The following ROBO2 variants were observed in gnomAD, a reference collection of about 807,000 sequenced individuals.
ROBO2 encodes roundabout guidance receptor 2.
A neutral mutation model predicts 160.8 loss-of-function variants in ROBO2; 53 were observed. The observed-to-expected ratio is 0.33, with a 90% confidence interval of 0.26 to 0.41. The LOEUF (loss-of-function observed/expected upper bound fraction) is 0.41, where lower values mean the gene tolerates loss of function less well. Ranked by LOEUF, ROBO2 falls within the 10% of genes least tolerant of loss-of-function variation. The probability of loss-of-function intolerance (pLI) is 1.00; values close to 1 mark genes in which losing one functional copy is unlikely to be tolerated. For missense variants in ROBO2, 1,577 were observed against 1,722.4 expected (o/e 0.92, Z 1.49); for synonymous variants, 664 against 611.7 (o/e 1.09, Z -1.26).
At chr3:77,578,709 G>T (rs2093832909) in intron 15 of ROBO2, among the ~76,000 whole-genome samples, 1 of 151,998 alleles carries the variant, frequency 6.6e-6, no homozygotes, top group South Asian at 2.1e-4. Flanking sequence ...TAATTATATA[G>T]ATTCTAAGAT....
chr3:77,064,708 A>T (rs1183207593), intron 1 of ROBO2, among the ~76,000 whole-genome samples: 1 of 152,190 alleles, frequency 6.6e-6, no homozygotes, highest in Non-Finnish European at 1.5e-5. Flanking sequence ...AGTTTTGAAG[A>T]GCTAAAAAAT....
At chr3:76,739,613 A>T (rs530413228) in intron 2 of ROBO2, among the ~76,000 whole-genome samples, 1 of 149,362 alleles carries the variant, frequency 6.7e-6, no homozygotes, top group African/African-American at 2.4e-5. Context: ...GTACCCTAAA[A>T]CTTAAAAGTA....
intron 5 of ROBO2, among the ~76,000 whole-genome samples, chr3:77,504,939 G>A (rs1302283678): frequency 6.6e-6 from 1 of 152,184 alleles, no homozygotes; most frequent in African/African-American, 2.4e-5. Context: ...AAGTGGAATA[G>A]CAATGGCTAT....
At chr3:76,541,423 T>G (rs1332710918) in intron 2 of ROBO2, among the ~76,000 whole-genome samples, 1 of 152,224 alleles carries the variant, frequency 6.6e-6, no homozygotes, top group East Asian at 1.9e-4. Flanking sequence ...AGTATCAAAT[T>G]TCTCACATAC....
chr3:75,998,049 T>G (rs897980093), intron 2 of ROBO2, among the ~76,000 whole-genome samples: 2 of 152,318 alleles, frequency 1.3e-5, no homozygotes, highest in African/African-American at 4.8e-5. Flanking sequence ...GGGAGAAAGA[T>G]CTCTAAACTA....
intron 12 of ROBO2, among the ~76,000 whole-genome samples, chr3:77,565,637 T>A (rs554071838): frequency 2.0e-4 from 31 of 152,214 alleles, no homozygotes; most frequent in African/African-American, 7.2e-4. Flanking sequence ...GGCCCAGTGT[T>A]TGTTTTAACA....
chr3:76,997,236 TA>T, intron 2 of ROBO2, among the ~76,000 whole-genome samples: 1 of 152,338 alleles, frequency 6.6e-6, no homozygotes, highest in South Asian at 2.1e-4. Context: ...CAATACTTTT[TA>T]TATATGTGAC....
At chr3:77,412,576 A>G (rs2153523226) in intron 2 of ROBO2, among the ~76,000 whole-genome samples, 1 of 152,288 alleles carries the variant, frequency 6.6e-6, no homozygotes, top group Middle Eastern at 3.4e-3. Context: ...GGACAGTGGG[A>G]TCTCAATCAG....
At chr3:76,635,638 A>G (rs1267812043) in intron 2 of ROBO2, among the ~76,000 whole-genome samples, 1 of 152,178 alleles carries the variant, frequency 6.6e-6, no homozygotes, top group African/African-American at 2.4e-5. Flanking sequence ...CATTTGTCTC[A>G]CATACTCTTG....
chr3:76,729,896 C>A (rs1431903443), intron 2 of ROBO2, among the ~76,000 whole-genome samples: 2 of 152,122 alleles, frequency 1.3e-5, no homozygotes, highest in Non-Finnish European at 2.9e-5. Context: ...CCTCAGCTTC[C>A]CAAAGTGTAG....
chr3:76,883,694 A>G (rs2073594140), intron 2 of ROBO2, among the ~76,000 whole-genome samples: 1 of 152,212 alleles, frequency 6.6e-6, no homozygotes, highest in South Asian at 2.1e-4. Context: ...TGTCCAATAC[A>G]CGATTGCCTA....
At position 77,273,219 on chromosome 3, in the gene ROBO2, T is replaced by C. The variant is rs185461962; in HGVS notation, c.388+174879T>C. 1.2e-4 allele frequency among the ~76,000 whole-genome samples: 18 copies of C among 152,280 alleles called. No homozygotes were observed. The East Asian group carries it at 3.5e-3, about 29-fold the overall frequency. On this transcript the variant is annotated intron_variant, in intron 2 of 25. Transcript: ENST00000461745. ...AAGAAAATGTGGCACATATACACTA[T>C]GGGATATGTGCAGCTGTAGAAAAAG... is the stretch of plus-strand genomic sequence containing the variant.
chr3:76,366,290 T>G lies in ROBO2; in HGVS notation c.109+428688T>G, dbSNP rs138528066. ...TACCCTTTACCCTGCTCTAATATCC[T>G]TCTTAGCACTTGCAACCAGGCACAC... On this transcript the variant is annotated intron_variant, in intron 2 of 26. Transcript: ENST00000487694. 8.5e-5 allele frequency among the ~76,000 whole-genome samples: 13 copies of G among 152,146 alleles called. No homozygotes were observed. The South Asian group carries it at 1.5e-3, about 17-fold the overall frequency.
At chr3:76,975,152 C>T (rs2059753164) in intron 2 of ROBO2, among the ~76,000 whole-genome samples, 1 of 152,142 alleles carries the variant, frequency 6.6e-6, no homozygotes, top group African/African-American at 2.4e-5. Flanking sequence ...TACTTGTGTT[C>T]TTGGATCTTT....
At chr3:76,180,572 C>A (rs761079174) in intron 2 of ROBO2, among the ~76,000 whole-genome samples, 15 of 152,068 alleles carry the variant, frequency 9.9e-5, no homozygotes, top group Non-Finnish European at 2.2e-4. Flanking sequence ...CTGACAAATC[C>A]AACGGCAAGT....
intron 2 of ROBO2, among the ~76,000 whole-genome samples, chr3:76,802,124 A>G (rs2064247041): frequency 6.6e-6 from 1 of 152,102 alleles, no homozygotes; most frequent in African/African-American, 2.4e-5. Flanking sequence ...ATTTTTGCAT[A>G]TTGTGGGAAT....
intron 2 of ROBO2, among the ~76,000 whole-genome samples, chr3:76,708,624 C>G (rs1039178438): frequency 2.8e-4 from 42 of 152,188 alleles, no homozygotes; most frequent in South Asian, 2.1e-4. Context: ...AAAAGCCTAT[C>G]ATAGGTCATC....
At chr3:76,400,375 C>G (rs1370034552) in intron 2 of ROBO2, among the ~76,000 whole-genome samples, 5 of 151,556 alleles carry the variant, frequency 3.3e-5, no homozygotes, top group Non-Finnish European at 1.5e-5. Flanking sequence ...ATAGCAACAT[C>G]TAGATACCAA....
chr3:76,812,182 T>C (rs192528772), intron 2 of ROBO2, among the ~76,000 whole-genome samples: 1 of 151,896 alleles, frequency 6.6e-6, no homozygotes, highest in Non-Finnish European at 1.5e-5. Flanking sequence ...CTCATTTTTT[T>C]AGTAAGGGAG....
Sources: gnomAD v4.1 joint callset for allele counts (sites outside exome capture counted in the v4.1 genomes callset) on GRCh38, gnomAD v4.1.1 for gene constraint, MANE v1.5 for transcripts, NCBI Gene and HGNC (gene_info 2026-07-23, HGNC 2026-07-21) for gene names.